Variants in ZNF385D observed in about 807,000 individuals in gnomAD.
ZNF385D encodes zinc finger protein 659.
ZNF385D carries 15 observed loss-of-function variants against 35.8 expected under a neutral mutation model. That is an observed-to-expected ratio of 0.42 (90% CI 0.28 to 0.64). The LOEUF (loss-of-function observed/expected upper bound fraction) is 0.64. Among genes scored for constraint, ZNF385D ranks in the 30% least tolerant of loss-of-function variants. ZNF385D has a pLI of 0.23. For synonymous variants in ZNF385D, 212 were observed against 186.8 expected, an observed-to-expected ratio of 1.13 and a Z score of -1.10; for missense variants, 474 against 494.6, an observed-to-expected ratio of 0.96 and a Z score of 0.39.
chr3:21,602,137 A>G (rs1378235362), intron 2 of ZNF385D, among the ~76,000 whole-genome samples: 3 of 152,102 alleles, frequency 2.0e-5, no homozygotes, highest in Non-Finnish European at 4.4e-5. Context: ...GGGAATTCCC[A>G]TTTATAAAAC....
intron 4 of ZNF385D, among the ~76,000 whole-genome samples, chr3:21,442,092 T>C (rs1356473934): frequency 1.3e-5 from 2 of 152,174 alleles, no homozygotes; most frequent in Non-Finnish European, 2.9e-5. Context: ...CTTCGTCTTG[T>C]ATAAAAACAC....
intron 2 of ZNF385D, among the ~76,000 whole-genome samples, chr3:22,243,300 T>G (rs1449289007): frequency 3.3e-5 from 5 of 150,936 alleles, no homozygotes; most frequent in Admixed American, 3.3e-4. Context: ...ATTAGGTAAA[T>G]GGAAGTCAGT....
rs1451534315 is a variant in ZNF385D, at chr3:21,984,330, A to G, written c.325+184487T>C. On this transcript the variant is annotated intron_variant, in intron 3 of 5. Coordinates refer to the ZNF385D transcript ENST00000494108. ...CGTTTAAATCTTTAATCCATCTTGA[A>G]TTGATTTTTGTATAAGGTGTAAGGA... is the stretch of plus-strand genomic sequence containing the variant. Among the ~76,000 whole-genome samples the G allele has an allele frequency of 2.4e-3, 328 of 134,314 alleles. 18 individuals carry two copies. Among genetic ancestry groups the G allele is most frequent in the African/African-American group, 0.01 (312 of 30,442 alleles). The allele number at this position is 134,314 out of a possible 152,430, so 88.1% of individuals were successfully genotyped here.
intron 2 of ZNF385D, among the ~76,000 whole-genome samples, chr3:22,371,912 TA>T (rs1696924752): frequency 6.6e-6 from 1 of 152,082 alleles, no homozygotes; most frequent in Non-Finnish European, 1.5e-5. Context: ...CAGGTTTTTT[TA>T]AGTATTTGTT....
chr3:22,321,099 T>C (rs1365588338), intron 2 of ZNF385D, among the ~76,000 whole-genome samples: 2 of 151,184 alleles, frequency 1.3e-5, no homozygotes, highest in Non-Finnish European at 3.0e-5. Context: ...ATATCACACT[T>C]CATCCTGTTC....
chr3:21,608,697 CT>C (rs1451685185), intron 2 of ZNF385D, among the ~76,000 whole-genome samples: 3 of 152,180 alleles, frequency 2.0e-5, no homozygotes, highest in African/African-American at 7.2e-5. Context: ...TGCAGAGTGA[CT>C]TTTCCCATGT....
chr3:22,063,447 C>A (rs560345195), intron 3 of ZNF385D, among the ~76,000 whole-genome samples: 1 of 152,220 alleles, frequency 6.6e-6, no homozygotes, highest in Admixed American at 6.5e-5. Flanking sequence ...CATCTGCAAG[C>A]AATTTATTTA....
At chr3:22,214,525 G>A (rs1697734129) in intron 2 of ZNF385D, among the ~76,000 whole-genome samples, 1 of 152,164 alleles carries the variant, frequency 6.6e-6, no homozygotes, top group African/African-American at 2.4e-5. Context: ...AAGCAAATAG[G>A]AGAAATACTG....
intron 3 of ZNF385D, among the ~76,000 whole-genome samples, chr3:22,135,028 A>G (rs1195044302): frequency 6.6e-6 from 1 of 152,194 alleles, no homozygotes; most frequent in Non-Finnish European, 1.5e-5. Context: ...TCCTTTGATC[A>G]TAAGAGAATC....
chr3:22,061,656 T>G (rs1699693030), intron 3 of ZNF385D, among the ~76,000 whole-genome samples: 1 of 152,182 alleles, frequency 6.6e-6, no homozygotes, highest in African/African-American at 2.4e-5. Flanking sequence ...ACAATGAGTG[T>G]CGATTCTAGA....
intron 2 of ZNF385D, among the ~76,000 whole-genome samples, chr3:22,220,745 T>C (rs1034142028): frequency 1.3e-5 from 2 of 152,160 alleles, no homozygotes; most frequent in Non-Finnish European, 2.9e-5. Context: ...GAAGCCCTCA[T>C]CCTTCCATTT....
intron 4 of ZNF385D, among the ~76,000 whole-genome samples, chr3:21,442,741 G>A (rs182773664): frequency 6.6e-6 from 1 of 152,074 alleles, no homozygotes; most frequent in Admixed American, 6.5e-5. Flanking sequence ...GGGAATTATG[G>A]GAAAGGGAAG....
At chr3:22,274,670 T>TA (rs36017229) in intron 2 of ZNF385D, among the ~76,000 whole-genome samples, 6 of 130,376 alleles carry the variant, frequency 4.6e-5, no homozygotes, top group Admixed American at 3.0e-4. Context: ...GTAAATTTTT[T>TA]AAAAAAAAGA....
At chr3:21,891,159 TTATC>T (rs1476729938) in intron 3 of ZNF385D, among the ~76,000 whole-genome samples, 3 of 152,140 alleles carry the variant, frequency 2.0e-5, no homozygotes, top group Non-Finnish European at 4.4e-5. Context: ...GGGAAAGTGT[TTATC>T]TAATTATTGC....
intron 3 of ZNF385D, among the ~76,000 whole-genome samples, chr3:21,804,003 A>G (rs2072523062): frequency 6.6e-6 from 1 of 152,238 alleles, no homozygotes; most frequent in South Asian, 2.1e-4. Flanking sequence ...TTACACAATG[A>G]AGAAACCTTT....
At chr3:21,560,991 TCC>T (rs2062924286) in intron 3 of ZNF385D, among the ~76,000 whole-genome samples, 2 of 152,060 alleles carry the variant, frequency 1.3e-5, no homozygotes, top group Admixed American at 1.3e-4. Flanking sequence ...TGGACACCCC[TCC>T]CCCAACCAAG....
intron 3 of ZNF385D, among the ~76,000 whole-genome samples, chr3:22,131,379 T>G (rs1703775587): frequency 6.6e-6 from 1 of 151,902 alleles, no homozygotes; most frequent in Admixed American, 6.6e-5. Flanking sequence ...AAAAAAAAAG[T>G]TTAGAAGAAA....
At chr3:21,513,084 C>G (rs114429440) in intron 3 of ZNF385D, among the ~76,000 whole-genome samples, 2,618 of 152,192 alleles carry the variant, frequency 0.017, 31 homozygotes, top group Non-Finnish European at 0.026. Flanking sequence ...ATCTAACATT[C>G]TCAGTGGCAT....
chr3:22,307,107 C>T (rs1703269413), intron 2 of ZNF385D, among the ~76,000 whole-genome samples: 1 of 151,968 alleles, frequency 6.6e-6, no homozygotes, highest in Non-Finnish European at 1.5e-5. Context: ...GGAATAGTCC[C>T]AAAGTTTCTG....
Sources: gnomAD v4.1 joint callset for allele counts (sites outside exome capture counted in the v4.1 genomes callset) on GRCh38, gnomAD v4.1.1 for gene constraint, MANE v1.5 for transcripts, NCBI Gene and HGNC (gene_info 2026-07-23, HGNC 2026-07-21) for gene names.